The following MSH3 variants were observed in gnomAD, a reference collection of about 807,000 sequenced individuals.
The protein encoded by MSH3 is mutS homolog 3.
In MSH3, 106 loss-of-function variants were observed where a neutral mutation model predicts 123.3. That is an observed-to-expected ratio of 0.86 (90% confidence interval 0.73 to 1.01). The LOEUF (loss-of-function observed/expected upper bound fraction) is 1.01. MSH3 is among the 50% of genes least tolerant of loss of function. MSH3 has a pLI of 0.00. For missense variants in MSH3, 1,459 were observed against 1,347.6 expected (o/e 1.08, Z -1.29); for synonymous variants, 515 against 481.4 (o/e 1.07, Z -0.91).
intron 9 of MSH3, among the ~76,000 whole-genome samples, chr5:80,726,895 AT>A (rs1281808769): frequency 6.6e-6 from 1 of 152,206 alleles, no homozygotes; most frequent in Non-Finnish European, 1.5e-5. Flanking sequence ...CTTAAAAGAT[AT>A]GGGCCAGAAA....
chr5:80,871,109 A>G (rs1392348758), intron 22 of MSH3, among the ~76,000 whole-genome samples: 1 of 152,284 alleles, frequency 6.6e-6, no homozygotes, highest in South Asian at 2.1e-4. Context: ...TCTAGGAGGC[A>G]GATTCTGAGA....
At chr5:80,817,008 A>C (rs949384457) in intron 20 of MSH3, among the ~76,000 whole-genome samples, 1 of 152,162 alleles carries the variant, frequency 6.6e-6, no homozygotes, top group African/African-American at 2.4e-5. Context: ...ATTTGTTGTG[A>C]GACATTTTTG....
chr5:80,836,566 A>AAAAAG (rs1561494105), intron 20 of MSH3, among the ~76,000 whole-genome samples: 7 of 144,818 alleles, frequency 4.8e-5, no homozygotes, highest in Non-Finnish European at 9.0e-5. Context: ...AAAAAAAAAA[A>AAAAAG]GCTCTGAATT....
At chr5:80,737,200 A>G (rs1308137507) in intron 10 of MSH3, among the ~76,000 whole-genome samples, 1 of 152,252 alleles carries the variant, frequency 6.6e-6, no homozygotes, top group Non-Finnish European at 1.5e-5. Context: ...TGATGAATTT[A>G]TGAACTCTGA....
At chr5:80,796,444 A>T (rs1036502496) in intron 19 of MSH3, among the ~76,000 whole-genome samples, 3 of 151,932 alleles carry the variant, frequency 2.0e-5, no homozygotes, top group African/African-American at 7.3e-5. Context: ...GTAGGAGTTG[A>T]TATAGAACTG....
At chr5:80,734,061 A>G (rs1018900597) in intron 10 of MSH3, among the ~76,000 whole-genome samples, 4 of 152,250 alleles carry the variant, frequency 2.6e-5, no homozygotes, top group African/African-American at 7.2e-5. Flanking sequence ...ATGTCCATCA[A>G]CTGAAGAATG....
chr5:80,664,309 G>A (rs6151603), intron 2 of MSH3, among the ~76,000 whole-genome samples: 1 of 151,904 alleles, frequency 6.6e-6, no homozygotes, highest in African/African-American at 2.4e-5. Context: ...TGAGTATGGT[G>A]ATTTGGTTTT....
intron 17 of MSH3, among the ~76,000 whole-genome samples, chr5:80,784,008 G>A (rs1459093955): frequency 1.3e-5 from 2 of 151,802 alleles, no homozygotes; most frequent in Non-Finnish European, 2.9e-5. Context: ...CCAGGAATTC[G>A]AGACTAGCCT....
chr5:80,823,141 A>G (rs1020486442), intron 20 of MSH3, among the ~76,000 whole-genome samples: 1 of 152,240 alleles, frequency 6.6e-6, no homozygotes, highest in African/African-American at 2.4e-5. Context: ...ATGTATAAAT[A>G]TATGTGGAGA....
intron 20 of MSH3, among the ~76,000 whole-genome samples, chr5:80,815,543 C>G (rs1355624212): frequency 6.6e-6 from 1 of 152,172 alleles, no homozygotes; most frequent in Non-Finnish European, 1.5e-5. Context: ...GTAGCTACTT[C>G]TGGTGTTTCA....
rs1330757069 is a variant in MSH3, at chr5:80,689,428, C to G, written c.1340+10335C>G. 2.0e-5 allele frequency among the ~76,000 whole-genome samples: 3 copies of G among 151,960 alleles called. No individual in the cohort carries two copies. In the East Asian group the frequency reaches 5.8e-4, roughly 29 times the overall value. On this transcript the variant is annotated intron_variant, in intron 8 of 23. Coordinates refer to ENST00000265081, the MANE Select transcript of MSH3 (RefSeq NM_002439.5). ...TGTTTGTTGTAAAAGTGAAAAAAGT[C>G]TATTTTAAAGGAAAAAATAATTCTT...
intron 12 of MSH3, among the ~76,000 whole-genome samples, chr5:80,757,030 A>C (rs567593848): frequency 6.6e-6 from 1 of 152,268 alleles, no homozygotes; most frequent in South Asian, 2.1e-4. Context: ...CAAACAAAAA[A>C]TACACCCCTA....
At chr5:80,776,813 T>G (rs1438253200) in intron 16 of MSH3, among the ~76,000 whole-genome samples, 1 of 150,332 alleles carries the variant, frequency 6.7e-6, no homozygotes, top group African/African-American at 2.4e-5. Context: ...GACATTCTGT[T>G]TTAAGGATGA....
At position 80,862,680 on chromosome 5, in the gene MSH3, A is replaced by G. The variant is rs145733508; in HGVS notation, c.3001-2133A>G. Among the ~76,000 whole-genome samples the G allele has an allele frequency of 2.6e-4, 39 of 152,246 alleles. No individual in the cohort carries two copies. The East Asian group carries it at 5.6e-3, about 22-fold the overall frequency. On this transcript the variant is annotated intron_variant, in intron 21 of 23. Transcript: ENST00000265081. The stretch of plus-strand genomic sequence containing the variant: ...GAAGTTGAGGTGGGAGGATCCCTTG[A>G]GCCCAGGAGTTTGAGGTTATAGTAA...
chr5:80,846,531 G>T (rs1222691049), intron 20 of MSH3, among the ~76,000 whole-genome samples: 2 of 152,154 alleles, frequency 1.3e-5, no homozygotes, highest in Non-Finnish European at 2.9e-5. Context: ...TAGAGAGGCA[G>T]TAGGCCTTGC....
At chr5:80,811,824 T>C (rs1431958345) in intron 19 of MSH3, among the ~76,000 whole-genome samples, 1 of 152,148 alleles carries the variant, frequency 6.6e-6, no homozygotes, top group Non-Finnish European at 1.5e-5. Flanking sequence ...AAAAGAGATA[T>C]AAAATATTTG....
chr5:80,808,924 A>G (rs565240382), intron 19 of MSH3, among the ~76,000 whole-genome samples: 1 of 129,704 alleles, frequency 7.7e-6, no homozygotes, highest in South Asian at 2.7e-4. Flanking sequence ...CTATTCATGT[A>G]AATGCCATAC....
chr5:80,768,160 G>C, intron 14 of MSH3, 40 bp downstream of exon 14: 1 of 1,538,016 alleles, frequency 6.5e-7, no homozygotes, highest in Admixed American at 1.7e-5. Context: ...TCACCAGTCA[G>C]TATAATTCAG....
At chr5:80,859,706 T>G (rs928563751) in intron 21 of MSH3, among the ~76,000 whole-genome samples, 1 of 149,948 alleles carries the variant, frequency 6.7e-6, no homozygotes, top group Non-Finnish European at 1.5e-5. Context: ...TTATTTCATT[T>G]TCTCTCTTTT....
Sources: allele counts gnomAD v4.1 joint callset (sites outside exome capture counted in the v4.1 genomes callset), GRCh38; gene constraint gnomAD v4.1.1; transcripts MANE v1.5; gene names NCBI Gene and HGNC (gene_info 2026-07-23, HGNC 2026-07-21).